Variants in GALNT13 observed in about 807,000 individuals in gnomAD.
GALNT13 encodes the protein polypeptide N-acetylgalactosaminyltransferase 13, also known as UDP-GalNAc:polypeptide N-acetylgalactosaminyltransferase 13.
GALNT13 carries 28 observed loss-of-function variants against 64.2 expected under a neutral mutation model. The ratio of observed to expected loss-of-function variants is 0.44; its 90% CI spans 0.32 to 0.60. The LOEUF (loss-of-function observed/expected upper bound fraction) is 0.60, where lower values mean the gene tolerates loss of function less well. Among genes scored for constraint, GALNT13 ranks in the 20% least tolerant of loss-of-function variants. The probability of loss-of-function intolerance (pLI) is 0.05; values close to 1 mark genes in which losing one functional copy is unlikely to be tolerated. For synonymous variants in GALNT13, 214 were observed against 224.6 expected (o/e 0.95, Z 0.42); for missense variants, 577 against 669.8 (o/e 0.86, Z 1.53).
the GALNT13 span, among the ~76,000 whole-genome samples, chr2:153,656,521 A>G: frequency 6.6e-6 from 1 of 152,138 alleles, no homozygotes; most frequent in Non-Finnish European, 1.5e-5. Flanking sequence ...GAACTGGAAT[A>G]TTGTAGGTAC....
the GALNT13 span, among the ~76,000 whole-genome samples, chr2:153,567,672 T>C: frequency 6.6e-6 from 1 of 152,178 alleles, no homozygotes; most frequent in Non-Finnish European, 1.5e-5. Flanking sequence ...AGAACACTCC[T>C]GGAGAAATCA....
the GALNT13 span, among the ~76,000 whole-genome samples, chr2:153,197,738 G>A: frequency 6.6e-6 from 1 of 152,314 alleles, no homozygotes; most frequent in African/African-American, 2.4e-5. Flanking sequence ...TGCTTGGGAG[G>A]ACAGAGTTTC....
chr2:153,188,211 C>T, the GALNT13 span, among the ~76,000 whole-genome samples: 6 of 151,828 alleles, frequency 4.0e-5, no homozygotes, highest in African/African-American at 1.2e-4. Context: ...ACTGAAGCTG[C>T]AAATGTAATA....
chr2:153,479,829 G>T, the GALNT13 span, among the ~76,000 whole-genome samples: 1 of 152,126 alleles, frequency 6.6e-6, no homozygotes, highest in South Asian at 2.1e-4. Context: ...AGGTTCCAAC[G>T]AAATTCTATA....
In GALNT13 at chr2:153,950,784, A is replaced by G. The variant is rs139738605; in HGVS notation, c.142+6145A>G. 1.4e-3 allele frequency among the ~76,000 whole-genome samples: 208 copies of G among 152,214 alleles called. 2 individuals carry two copies. In the East Asian group the frequency reaches 0.03, roughly 22 times the overall value. ...AACATGATTGAATCTTGAACATATAATAGTAAATTATGTACAAAAACTACC... is the reference window on the plus strand; with the variant it reads ...AACATGATTGAATCTTGAACATATAGTAGTAAATTATGTACAAAAACTACC... On this transcript the variant is annotated intron_variant, in intron 3 of 12. Transcript: ENST00000392825.
At chr2:153,680,333 C>T in the GALNT13 span, among the ~76,000 whole-genome samples, 23 of 151,556 alleles carry the variant, frequency 1.5e-4, no homozygotes, top group Non-Finnish European at 3.1e-4. Flanking sequence ...GTTTCTACTA[C>T]CCTATGGGAA....
rs1688334691 is a variant in GALNT13, at chr2:153,903,032, T to C, written c.-105+2025T>C. Among the ~76,000 whole-genome samples the C allele has an allele frequency of 2.6e-5, 4 of 152,128 alleles. No homozygotes were observed. In the South Asian group the frequency reaches 8.3e-4, roughly 31 times the overall value. ...TTGTTTACAGAGTTTACCCTTTCTT[T>C]AGATAGGTTTTTGGATAGCCAGAAA... is the stretch of plus-strand genomic sequence containing the variant. On this transcript the variant is annotated intron_variant, in intron 2 of 12. Coordinates refer to ENST00000392825, the MANE Select transcript of GALNT13 (RefSeq NM_052917.4).
At chr2:153,257,966 T>A in the GALNT13 span, among the ~76,000 whole-genome samples, 1 of 152,136 alleles carries the variant, frequency 6.6e-6, no homozygotes, top group Non-Finnish European at 1.5e-5. Context: ...TCCTGACCTG[T>A]GGTAAGTAAA....
At chr2:153,801,585 C>G in the GALNT13 span, among the ~76,000 whole-genome samples, 1 of 151,954 alleles carries the variant, frequency 6.6e-6, no homozygotes, top group African/African-American at 2.4e-5. Flanking sequence ...TCATGGCACC[C>G]CAAAAGAGTT....
At chr2:153,114,393 C>A in the GALNT13 span, among the ~76,000 whole-genome samples, 2 of 152,058 alleles carry the variant, frequency 1.3e-5, no homozygotes, top group Non-Finnish European at 2.9e-5. Context: ...CTAGAGAAGA[C>A]GTCAGTCAAT....
At chr2:154,200,752 C>G (rs1687127740) in intron 4 of GALNT13, among the ~76,000 whole-genome samples, 1 of 152,100 alleles carries the variant, frequency 6.6e-6, no homozygotes, top group African/African-American at 2.4e-5. Flanking sequence ...CACACCTCAC[C>G]TCTTGCTACT....
At chr2:153,913,376 G>A (rs1366767217) in intron 2 of GALNT13, among the ~76,000 whole-genome samples, 1 of 152,160 alleles carries the variant, frequency 6.6e-6, no homozygotes, top group African/African-American at 2.4e-5. Flanking sequence ...AGGAAGGGAA[G>A]GTTTGTCTGT....
At position 154,022,098 on chromosome 2, in the gene GALNT13, G is replaced by A. The variant is rs553655339; in HGVS notation, c.142+77459G>A. Among the ~76,000 whole-genome samples, 4 of 152,190 alleles carry A rather than the reference G, an allele frequency of 2.6e-5. No individual in the cohort carries two copies. The East Asian group carries it at 5.8e-4, about 22-fold the overall frequency. On this transcript the variant is annotated intron_variant, in intron 3 of 12. Coordinates refer to ENST00000392825, the MANE Select transcript of GALNT13 (RefSeq NM_052917.4). ...AGCTTTTTGATGTGCTGCTGGATTCGGTTTGCCAGTATTTTATTGAGGATT... is the reference window on the plus strand; with the variant it reads ...AGCTTTTTGATGTGCTGCTGGATTCAGTTTGCCAGTATTTTATTGAGGATT...
the GALNT13 span, among the ~76,000 whole-genome samples, chr2:153,099,840 A>C: frequency 8.5e-5 from 13 of 152,216 alleles, no homozygotes; most frequent in African/African-American, 3.1e-4. Flanking sequence ...GTATGCAGCA[A>C]GTCCAGAGTC....
At chr2:154,169,736 T>G (rs532538969) in intron 4 of GALNT13, among the ~76,000 whole-genome samples, 1 of 152,126 alleles carries the variant, frequency 6.6e-6, no homozygotes, top group Non-Finnish European at 1.5e-5. Flanking sequence ...CCGGGTAAGT[T>G]TGGTAATAAG....
At chr2:153,878,060 CACTG>C (rs1686511170) in intron 1 of GALNT13, among the ~76,000 whole-genome samples, 1 of 152,110 alleles carries the variant, frequency 6.6e-6, no homozygotes, top group Non-Finnish European at 1.5e-5. Flanking sequence ...CTGACATTTT[CACTG>C]ACTGATAATT....
chr2:153,256,400 C>A, the GALNT13 span, among the ~76,000 whole-genome samples: 3 of 152,088 alleles, frequency 2.0e-5, no homozygotes, highest in Non-Finnish European at 4.4e-5. Flanking sequence ...AACTTCTTTG[C>A]CTTTGGTTTG....
chr2:153,311,846 C>A, the GALNT13 span, among the ~76,000 whole-genome samples: 1 of 152,198 alleles, frequency 6.6e-6, no homozygotes, highest in Non-Finnish European at 1.5e-5. Flanking sequence ...AGCCTGCAGG[C>A]AGGGGGACCA....
chr2:153,794,732 G>A, the GALNT13 span, among the ~76,000 whole-genome samples: 1 of 152,042 alleles, frequency 6.6e-6, no homozygotes, highest in Non-Finnish European at 1.5e-5. Flanking sequence ...TCTTGGCTAG[G>A]CTAGTCTCGA....
Sources: allele counts gnomAD v4.1 joint callset (sites outside exome capture counted in the v4.1 genomes callset), GRCh38; gene constraint gnomAD v4.1.1; transcripts MANE v1.5; gene names NCBI Gene and HGNC (gene_info 2026-07-23, HGNC 2026-07-21).